NTN4: variants seen among roughly 807,000 people sequenced by gnomAD.
The protein encoded by NTN4 is netrin 4.
Under a neutral mutation model 73.6 loss-of-function variants are expected in NTN4, and 32 were observed. The observed-to-expected ratio is 0.44, with a 90% CI of 0.33 to 0.58. The LOEUF is 0.58. NTN4 is among the 20% of genes least tolerant of loss of function. The pLI, the probability that NTN4 is intolerant of heterozygous loss-of-function variation, is 0.04. For synonymous variants in NTN4, 258 were observed against 287.5 expected (o/e 0.90, Z 1.04); for missense variants, 654 against 798.3 (o/e 0.82, Z 2.18).
chr12:95,771,071 G>A lies in NTN4; in HGVS notation c.585+15868C>T, dbSNP rs570106026. Among the ~76,000 whole-genome samples the A allele has an allele frequency of 4.7e-3, 695 of 149,122 alleles. 2 individuals are homozygous for A. Among genetic ancestry groups the A allele is most frequent in the African/African-American group, 0.017 (674 of 39,572 alleles). ...GTGGCGCGATCTCGGCTCACTGCAA[G>A]CTCCGCCTCCCGGGTTCACGCCATT... On this transcript the variant is annotated intron_variant, in intron 2 of 9. Coordinates refer to ENST00000343702, the MANE Select transcript of NTN4 (RefSeq NM_021229.4).
At chr12:95,695,320 A>G (rs957215176) in intron 5 of NTN4, among the ~76,000 whole-genome samples, 14 of 152,286 alleles carry the variant, frequency 9.2e-5, no homozygotes, top group African/African-American at 2.9e-4. Context: ...CCTGTCTTCT[A>G]TACACATTTA....
At chr12:95,768,967 G>C (rs2079038067) in intron 2 of NTN4, among the ~76,000 whole-genome samples, 2 of 152,168 alleles carry the variant, frequency 1.3e-5, no homozygotes, top group South Asian at 4.1e-4. Flanking sequence ...GCAATGCCAT[G>C]TATACATCTA....
At chr12:95,723,934 G>A (rs2078670247) in intron 3 of NTN4, among the ~76,000 whole-genome samples, 1 of 151,838 alleles carries the variant, frequency 6.6e-6, no homozygotes, top group Non-Finnish European at 1.5e-5. Flanking sequence ...ACTCATGTTC[G>A]TTTTATATAT....
At chr12:95,738,686 ACT>A (rs758834850) in intron 2 of NTN4, among the ~76,000 whole-genome samples, 92 of 152,118 alleles carry the variant, frequency 6.0e-4, no homozygotes, top group Non-Finnish European at 8.4e-4. Flanking sequence ...TAAAAATATA[ACT>A]CTCTCTTTTT....
At chr12:95,745,991 G>T (rs1367443650) in intron 2 of NTN4, among the ~76,000 whole-genome samples, 1 of 152,138 alleles carries the variant, frequency 6.6e-6, no homozygotes, top group East Asian at 1.9e-4. Context: ...CTCCTTCAGG[G>T]TGTAATGCCC....
At chr12:95,791,023 C>G (rs2079207261), upstream of NTN4, 1 of 151,832 alleles carries the variant, frequency 6.6e-6, no homozygotes, top group African/African-American at 2.4e-5. The surrounding 1 kb of genome is among the most constrained non-coding windows in gnomAD (Gnocchi z 4.0). Flanking sequence ...TGCCCTGGCG[C>G]CCCTCCTGGC....
chr12:95,710,718 G>T, intron 4 of NTN4, 89 bp from the exon 5 acceptor site: 11 of 1,302,030 alleles, frequency 8.4e-6, no homozygotes, highest in Non-Finnish European at 1.2e-5. Context: ...AATAGGATGA[G>T]TTGGCCAGGC....
intron 7 of NTN4, among the ~76,000 whole-genome samples, chr12:95,680,600 GCAAA>G (rs1442068638): frequency 6.6e-6 from 1 of 152,160 alleles, no homozygotes; most frequent in Non-Finnish European, 1.5e-5. Context: ...ATCCTAAATG[GCAAA>G]CAAACGAGAG....
chr12:95,695,933 TTTC>T (rs1236041599), intron 5 of NTN4, among the ~76,000 whole-genome samples: 3 of 149,408 alleles, frequency 2.0e-5, no homozygotes, highest in South Asian at 4.4e-4. Flanking sequence ...CCTCTTTTCT[TTTC>T]TCTTTTCTTT....
At position 95,786,926 on chromosome 12, in the gene NTN4, C is replaced by T. The variant is rs773301612; in HGVS notation, c.585+13G>A. Reference sequence around the variant, plus strand: ...ATCTTACTTACAGTGTAGAGTTAAACAGGTGCCCTTACCTCTCCTCCAGTG... The same window carrying T: ...ATCTTACTTACAGTGTAGAGTTAAATAGGTGCCCTTACCTCTCCTCCAGTG... On this transcript the variant is annotated intron_variant, in intron 2 of 9. Coordinates refer to ENST00000343702, the MANE Select transcript of NTN4 (RefSeq NM_021229.4). The T allele has an allele frequency of 2.5e-6, 4 of 1,609,428 alleles. No homozygotes were observed. The highest frequency in any genetic ancestry group is 3.4e-6 in the Non-Finnish European group (4 of 1,176,442).
intron 7 of NTN4, chr12:95,672,243 G>T: frequency 1.6e-6 from 1 of 632,732 alleles, no homozygotes; most frequent in Admixed American, 2.3e-5. Context: ...GGCGGGGGCA[G>T]GGGGCGGGCT....
chr12:95,754,286 C>T (rs1490936048), intron 2 of NTN4, among the ~76,000 whole-genome samples: 1 of 150,162 alleles, frequency 6.7e-6, no homozygotes, highest in Non-Finnish European at 1.5e-5. Flanking sequence ...CAAAATCTTC[C>T]TTCAGCTTAA....
intron 6 of NTN4, 130 bp from the exon 7 acceptor site, chr12:95,682,952 A>C (rs2078330424): frequency 1.7e-6 from 1 of 574,588 alleles, no homozygotes; most frequent in African/African-American, 1.9e-5. Context: ...TAGTGTTTTA[A>C]GGAACTATTG....
At chr12:95,764,516 T>C (rs958245365) in intron 2 of NTN4, among the ~76,000 whole-genome samples, 2 of 151,890 alleles carry the variant, frequency 1.3e-5, no homozygotes, top group African/African-American at 4.8e-5. Context: ...AATACAAAAA[T>C]TAGCTGTGCA....
intron 5 of NTN4, among the ~76,000 whole-genome samples, chr12:95,699,326 A>C (rs1052699957): frequency 2.0e-5 from 3 of 152,240 alleles, no homozygotes; most frequent in Non-Finnish European, 2.9e-5. Context: ...AACAAATGAA[A>C]GGTGCTTATG....
intron 2 of NTN4, among the ~76,000 whole-genome samples, chr12:95,769,599 T>C (rs1412319544): frequency 1.4e-5 from 2 of 146,638 alleles, no homozygotes; most frequent in East Asian, 2.0e-4. Context: ...GGAAGTGAGG[T>C]ACAGAAGAGC....
chr12:95,703,623 C>T (rs2078502695), intron 5 of NTN4, among the ~76,000 whole-genome samples: 1 of 152,132 alleles, frequency 6.6e-6, no homozygotes, highest in Admixed American at 6.6e-5. Context: ...AATTTGAAGG[C>T]CATAGCAAAA....
chr12:95,665,260 A>G (rs958130317), intron 9 of NTN4, among the ~76,000 whole-genome samples: 2 of 152,192 alleles, frequency 1.3e-5, no homozygotes, highest in Non-Finnish European at 1.5e-5. Context: ...TTGCTCTAAA[A>G]TCCTACAGTT....
intron 3 of NTN4, among the ~76,000 whole-genome samples, chr12:95,736,137 C>A (rs2078776284): frequency 6.6e-6 from 1 of 151,988 alleles, no homozygotes; most frequent in Non-Finnish European, 1.5e-5. Context: ...TGGGGTTTTG[C>A]TGTGTTGGCC....
Sources: gnomAD v4.1 joint callset for allele counts (sites outside exome capture counted in the v4.1 genomes callset) on GRCh38, gnomAD v4.1.1 for gene constraint, Gnocchi (gnomAD v3.1) non-coding constraint, MANE v1.5 for transcripts, NCBI Gene and HGNC (gene_info 2026-07-23, HGNC 2026-07-21) for gene names.